Variants in ELMO3 observed in about 807,000 individuals in gnomAD.
ELMO3 encodes the protein engulfment and cell motility protein 3.
In ELMO3, 81 loss-of-function variants were observed where a neutral mutation model predicts 89.0. The observed-to-expected ratio is 0.91, with a 90% CI of 0.76 to 1.09. The LOEUF (loss-of-function observed/expected upper bound fraction) is 1.09. ELMO3 is among the 50% of genes least tolerant of loss of function. The pLI, the probability that ELMO3 is intolerant of heterozygous loss-of-function variation, is 0.00. For missense variants in ELMO3, 959 were observed against 972.8 expected, an observed-to-expected ratio of 0.99 and a Z score of 0.19; for synonymous variants, 406 against 400.6, an observed-to-expected ratio of 1.01 and a Z score of -0.16.
At chr16:67,202,577 C>T in intron 14 of ELMO3, 44 bp downstream of exon 14, 1 of 1,612,476 alleles carries the variant, frequency 6.2e-7, no homozygotes, top group Non-Finnish European at 8.5e-7. Flanking sequence ...GGGCAGGGGG[C>T]TGATCTGGGT....
Position 67,203,271 on chromosome 16 carries a change from C to T in ELMO3, c.1780+48C>T, listed in dbSNP as rs1296519410. Reference sequence around the variant, plus strand: ...CCAGATACCTGCTCTCCCCAGACCGCCCTGGGCCCCGGGGCTGCCAGGGCT... The same window carrying T: ...CCAGATACCTGCTCTCCCCAGACCGTCCTGGGCCCCGGGGCTGCCAGGGCT... On this transcript the variant is annotated intron_variant, in intron 17 of 19. Coordinates refer to ENST00000393997, the MANE Select transcript of ELMO3 (RefSeq NM_024712.5). The surrounding 1 kb of genome is among the most constrained non-coding windows in gnomAD (Gnocchi z 4.6). 6.3e-7 allele frequency: 1 copy of T among 1,589,710 alleles called. No individual in the cohort carries two copies. The highest frequency in any genetic ancestry group is 8.5e-7 in the Non-Finnish European group (1 of 1,172,112).
At position 67,200,658 on chromosome 16, in the gene ELMO3, T is replaced by G; in HGVS notation, c.515T>G (p.Val172Gly). 6.2e-7 allele frequency: 1 copy of G among 1,612,228 alleles called. No individual in the cohort carries two copies. Among genetic ancestry groups the G allele is most frequent in the Non-Finnish European group, 8.5e-7 (1 of 1,179,146 alleles). The change falls in exon 7 of 20, where the codon GTG (valine) becomes GGG (glycine). Residue 172 changes from valine (V) to glycine (G), a missense_variant and splice_region_variant. Physicochemically the swap from Val to Gly is moderately radical, Grantham distance 109 (BLOSUM62 -3). Transcript: ENST00000393997. ...TGGTGACACCCCCGCCCCTTACAGG[T>G]GGTGTGCTACGTGAACATGAACCTC... ...ETLSIPFVRK[V>G]VCYVNMNLMD...
intron 8 of ELMO3, 59 bp downstream of exon 8, chr16:67,201,027 A>T (rs1238422907): frequency 6.5e-7 from 1 of 1,533,198 alleles, no homozygotes. Flanking sequence ...CCCCACCCTG[A>T]AGCAAAATCC....
chr16:67,201,006 GGTGGGCGCTGC>G (rs2033091916), intron 8 of ELMO3, 38 bp downstream of exon 8: 2 of 1,565,494 alleles, frequency 1.3e-6, no homozygotes, highest in East Asian at 2.2e-5. Flanking sequence ...GGCAGCACCC[GGTGGGCGCTGC>G]CCCACCCTGA....
chr16:67,199,209 G>A lies in ELMO3; in HGVS notation c.-118G>A, dbSNP rs778828164. 2.7e-5 allele frequency: 43 copies of A among 1,611,252 alleles called. No individual in the cohort carries two copies. The Middle Eastern group carries it at 1.7e-3, about 62-fold the overall frequency. Reference sequence around the variant, plus strand: ...GTCTGGGCCGCGAGTGCGGGACACCGAGGTCAGGTCTCGGAAAGGGAGGAC... The same window carrying A: ...GTCTGGGCCGCGAGTGCGGGACACCAAGGTCAGGTCTCGGAAAGGGAGGAC... On this transcript the variant is annotated 5_prime_UTR_variant, in exon 1 of 20. Coordinates refer to ENST00000393997, the MANE Select transcript of ELMO3 (RefSeq NM_024712.5).
intron 4 of ELMO3, 51 bp from the exon 5 acceptor site, chr16:67,200,141 C>G (rs1461939411): frequency 1.9e-6 from 3 of 1,593,756 alleles, no homozygotes; most frequent in Non-Finnish European, 2.6e-6. Flanking sequence ...CCAGGTCCCA[C>G]CCTTACCATG....
Position 67,202,265 on chromosome 16 carries a change from G to T in ELMO3, c.1242G>T (p.Leu414=), listed in dbSNP as rs755153480. 10 of 1,607,872 alleles carry T rather than the reference G, an allele frequency of 6.2e-6. No individual in the cohort carries two copies. In the Admixed American group the frequency reaches 1.2e-4, roughly 19 times the overall value. ...AGCTGACGGTGCTGCTGTGTGAGCT[G>T]CTCCGTGTTGGGGAGCCCTGTGAGT... ...SIQLTVLLCE[L]LRVGEPCSET... is the part of the protein sequence containing the mutation. The change falls in exon 13 of 20, where the codon CTG becomes CTT. Residue 414 remains leucine, a synonymous_variant. Transcript: ENST00000393997.
rs201579675 is a variant in ELMO3 at position 67,200,283 on chromosome 16, C to G, written c.335C>G (p.Ser112Trp). 2.5e-6 allele frequency: 4 copies of G among 1,613,824 alleles called. No individual in the cohort carries two copies. The change falls in exon 5 of 20, where the codon TCG (serine) becomes TGG (tryptophan). Residue 112 changes from serine (S) to tryptophan (W), a missense_variant. Coordinates refer to ENST00000393997, the MANE Select transcript of ELMO3 (RefSeq NM_024712.5). ...CTGAGGCGCCTTGTTCCGCTGGCCT[C>G]GGACATGATCTTTGCCAGGGAGGTC... ...EALRRLVPLA[S>W]DMIFAREVIS...
rs199633228 is a variant in ELMO3 at position 67,203,380 on chromosome 16, C to G, written c.1834C>G (p.Arg612Gly). Residue 612 changes from arginine (R) to glycine (G), a missense_variant, in exon 18 of 20, where the codon CGG becomes GGG. Transcript: ENST00000393997. This position sits in a 1 kb window ranked among gnomAD's most constrained non-coding sequence, Gnocchi z 4.6. ...GACAGGCAAGGACTGCCCCCATGTC[C>G]GGGAGAAGGGCTCCGGGAAGCAGAA... is the stretch of plus-strand genomic sequence containing the variant. ...LLTGKDCPHV[R>G]EKGSGKQNKD... 17 of 1,610,260 alleles carry G rather than the reference C, an allele frequency of 1.1e-5. No individual in the cohort carries two copies. The Admixed American group carries it at 2.7e-4, about 25-fold the overall frequency.
rs773271821 is a variant in ELMO3, at chr16:67,203,689, A to C, written c.1975A>C (p.Ser659Arg). The change falls in exon 20 of 20, where the codon AGT becomes CGT. Residue 659 changes from serine (S) to arginine (R), a missense_variant. By Grantham distance (110) the Ser-to-Arg change is moderately radical (BLOSUM62 -1). Transcript: ENST00000393997. This position sits in a 1 kb window ranked among gnomAD's most constrained non-coding sequence, Gnocchi z 4.6. ...GTTCTACCTGTGGACAGATGGGCTC[A>C]GTGCCTTGCTGGGCAGTCCCATGGG... ...REFYLWTDGL[S>R]ALLGSPMGSE... is the part of the protein sequence containing the mutation. 5 of 1,613,648 alleles carry C rather than the reference A, an allele frequency of 3.1e-6. No individual in the cohort carries two copies. The African/African-American group carries it at 6.7e-5, about 22-fold the overall frequency.
At position 67,203,479 on chromosome 16, in the gene ELMO3, G is replaced by GC; in HGVS notation, c.1864-17dup. 7.7e-7 allele frequency: 1 copy of GC among 1,291,692 alleles called. No homozygotes were observed. The highest frequency in any genetic ancestry group is 1.1e-6 in the Non-Finnish European group (1 of 943,566). The allele number at this position is 1,291,692 out of a possible 1,614,324, so 80.0% of individuals were successfully genotyped here. ...ACCCTGTCCCCTGCTCAGTGTCCCC[G>GC]CTCCCTTGCTTCCCCAGGACCTCTA... On this transcript the variant is annotated splice_polypyrimidine_tract_variant and intron_variant, in intron 18 of 19. Transcript: ENST00000393997. The surrounding 1 kb of genome is among the most constrained non-coding windows in gnomAD (Gnocchi z 4.6).
Position 67,201,468 on chromosome 16 carries a change from C to A in ELMO3, c.795+33C>A, listed in dbSNP as rs970164034. ...GTGGTGGGCCAGGGGGACCTCTCTGCCCCTCCCTCCCCGTGAGCCCTCGCT... is the reference window on the plus strand; with the variant it reads ...GTGGTGGGCCAGGGGGACCTCTCTGACCCTCCCTCCCCGTGAGCCCTCGCT... On this transcript the variant is annotated intron_variant, in intron 9 of 19. Coordinates refer to ENST00000393997, the MANE Select transcript of ELMO3 (RefSeq NM_024712.5). 5 of 1,613,864 alleles carry A rather than the reference C, an allele frequency of 3.1e-6. No individual in the cohort carries two copies. The African/African-American group carries it at 5.3e-5, about 17-fold the overall frequency.
In ELMO3 at chr16:67,201,503, G is replaced by T. The variant is rs762794419; in HGVS notation, c.796-17G>T. On this transcript the variant is annotated splice_polypyrimidine_tract_variant and intron_variant, in intron 9 of 19. Coordinates refer to ENST00000393997, the MANE Select transcript of ELMO3 (RefSeq NM_024712.5). ...CCCGTGAGCCCTCGCTTACACCAGG[G>T]ACTGGCTGTCCTGCAGAACATCATC... 6.2e-7 allele frequency: 1 copy of T among 1,614,006 alleles called. No individual in the cohort carries two copies. Among genetic ancestry groups the T allele is most frequent in the Non-Finnish European group, 8.5e-7 (1 of 1,179,964 alleles).
At position 67,200,242 on chromosome 16, in the gene ELMO3, AG is replaced by A. The variant is rs2033067459; in HGVS notation, c.297del (p.Arg100AlafsTer5). The A allele has an allele frequency of 1.2e-6, 2 of 1,613,688 alleles. No individual in the cohort carries two copies. The highest frequency in any genetic ancestry group is 2.7e-5 in the African/African-American group (2 of 75,052). On this transcript the variant is annotated frameshift_variant, in exon 5 of 20. Transcript: ENST00000393997. LOFTEE classifies it high-confidence loss of function. ...LGGLQSNSPE[G>X]RREALRRLVP... ...GTGGGCTGCAGAGTAACAGTCCTGA[AG>A]GGCGCCGGGAAGCCCTGAGGCGCCT...
Position 67,203,102 on chromosome 16 carries a change from TC to T in ELMO3, c.1676-14del. 1 of 1,600,270 alleles carries T rather than the reference TC, an allele frequency of 6.2e-7. No homozygotes were observed. Among genetic ancestry groups the T allele is most frequent in the Non-Finnish European group, 8.5e-7 (1 of 1,174,158 alleles). ...GGACCTCTCAGCACTCTGGCCCTCT[TC>T]CCTTTCTCCACGCAGATAAGCTGTG... On this transcript the variant is annotated splice_polypyrimidine_tract_variant and intron_variant, in intron 16 of 19. Transcript: ENST00000393997. This position sits in a 1 kb window ranked among gnomAD's most constrained non-coding sequence, Gnocchi z 4.6.
Position 67,203,645 on chromosome 16 carries a change from C to T in ELMO3, c.1951-20C>T, listed in dbSNP as rs375833119. 56 of 1,613,702 alleles carry T rather than the reference C, an allele frequency of 3.5e-5. No individual in the cohort carries two copies. Among genetic ancestry groups the T allele is most frequent in the South Asian group, 9.9e-5 (9 of 91,048 alleles). On this transcript the variant is annotated intron_variant, in intron 19 of 19. Coordinates refer to ENST00000393997, the MANE Select transcript of ELMO3 (RefSeq NM_024712.5). This position sits in a 1 kb window ranked among gnomAD's most constrained non-coding sequence, Gnocchi z 4.6. Reference sequence around the variant, plus strand: ...GGGGAGGCAGATGGGCAGACCCTCACGGCTCTGTGCCACCCCCAGTTCTAC... The same window carrying T: ...GGGGAGGCAGATGGGCAGACCCTCATGGCTCTGTGCCACCCCCAGTTCTAC...
In ELMO3 at chr16:67,201,508, G is replaced by A. The variant is rs1308033174; in HGVS notation, c.796-12G>A. ...GAGCCCTCGCTTACACCAGGGACTG[G>A]CTGTCCTGCAGAACATCATCCACAG... On this transcript the variant is annotated splice_polypyrimidine_tract_variant and intron_variant, in intron 9 of 19. Transcript: ENST00000393997. 1 of 1,613,852 alleles carries A rather than the reference G, an allele frequency of 6.2e-7. No homozygotes were observed. Among genetic ancestry groups the A allele is most frequent in the Non-Finnish European group, 8.5e-7 (1 of 1,179,954 alleles).
Position 67,202,239 on chromosome 16 carries a change from C to T in ELMO3, c.1216C>T (p.Gln406Ter), listed in dbSNP as rs761366248. Reference sequence around the variant, plus strand: ...GTGCCCCTTTGCCCGGGGCAGCATCCAGCTGACGGTGCTGCTGTGTGAGCT... The same window carrying T: ...GTGCCCCTTTGCCCGGGGCAGCATCTAGCTGACGGTGCTGCTGTGTGAGCT... ...HECPFARGSI[Q>*]LTVLLCELLR... Residue 406 changes from glutamine (Q) to a stop codon, truncating the protein, a stop_gained, in exon 13 of 20, where the codon CAG becomes TAG. Transcript: ENST00000393997. LOFTEE classifies it high-confidence loss of function. 1 of 1,605,594 alleles carries T rather than the reference C, an allele frequency of 6.2e-7. No individual in the cohort carries two copies. The highest frequency in any genetic ancestry group is 8.5e-7 in the Non-Finnish European group (1 of 1,174,116).
intron 9 of ELMO3, 34 bp from the exon 10 acceptor site, chr16:67,201,486 C>T (rs1383472850): frequency 6.2e-7 from 1 of 1,614,002 alleles, no homozygotes; most frequent in South Asian, 1.1e-5. Flanking sequence ...TCCCCGTGAG[C>T]CCTCGCTTAC....
Sources: allele counts gnomAD v4.1 joint callset, GRCh38; gene constraint gnomAD v4.1.1; non-coding constraint Gnocchi (gnomAD v3.1); transcripts MANE v1.5; gene names NCBI Gene and HGNC (gene_info 2026-07-23, HGNC 2026-07-21).